The following DYNC2H1 variants were observed in gnomAD, a reference collection of about 807,000 sequenced individuals.
DYNC2H1 encodes the protein cytoplasmic dynein 2 heavy chain 1.
In DYNC2H1, 410 loss-of-function variants were observed where a neutral mutation model predicts 570.0. The ratio of observed to expected loss-of-function variants is 0.72; its 90% CI spans 0.66 to 0.78. The LOEUF (loss-of-function observed/expected upper bound fraction) is 0.78, where lower values mean the gene tolerates loss of function less well. Ranked by LOEUF, DYNC2H1 falls within the 30% of genes least tolerant of loss-of-function variation. The pLI, the probability that DYNC2H1 is intolerant of heterozygous loss-of-function variation, is 0.00. For synonymous variants in DYNC2H1, 1,688 were observed against 1,677.6 expected (o/e 1.01, Z -0.15); for missense variants, 4,865 against 5,046.4 (o/e 0.96, Z 1.09).
chr11:103,372,041 T>C (rs1187273510), intron 83 of DYNC2H1, among the ~76,000 whole-genome samples: 1 of 134,490 alleles, frequency 7.4e-6, no homozygotes, highest in African/African-American at 2.7e-5. Flanking sequence ...TCTTTTTTTT[T>C]TTTTTTTTTT....
At chr11:103,459,391 C>G (rs1041516867) in intron 87 of DYNC2H1, among the ~76,000 whole-genome samples, 2 of 148,762 alleles carry the variant, frequency 1.3e-5, no homozygotes, top group African/African-American at 4.9e-5. Context: ...CGTATTACTA[C>G]TATTTTCTAA....
chr11:103,207,217 G>A (rs1049191619), intron 52 of DYNC2H1, among the ~76,000 whole-genome samples: 2 of 129,260 alleles, frequency 1.5e-5, no homozygotes, highest in African/African-American at 6.1e-5. Flanking sequence ...TACCGTGCCT[G>A]GGCCTGTTTT....
chr11:103,444,125 G>A (rs1944354995), intron 85 of DYNC2H1, among the ~76,000 whole-genome samples: 1 of 149,094 alleles, frequency 6.7e-6, no homozygotes, highest in African/African-American at 2.4e-5. Flanking sequence ...TGACTAAAAT[G>A]TTTCCAGCTT....
At chr11:103,424,064 ACTT>A (rs1943584014) in intron 84 of DYNC2H1, among the ~76,000 whole-genome samples, 1 of 152,084 alleles carries the variant, frequency 6.6e-6, no homozygotes, top group African/African-American at 2.4e-5. Flanking sequence ...ATTAAAGACT[ACTT>A]AAGTAAATGG....
intron 12 of DYNC2H1, among the ~76,000 whole-genome samples, chr11:103,126,350 C>T (rs1859000360): frequency 6.6e-6 from 1 of 152,138 alleles, no homozygotes; most frequent in South Asian, 2.1e-4. Flanking sequence ...CTGCTTAGCA[C>T]TGCCAATCAA....
At chr11:103,139,191 G>T (rs1447054146) in intron 17 of DYNC2H1, among the ~76,000 whole-genome samples, 5 of 152,070 alleles carry the variant, frequency 3.3e-5, no homozygotes, top group Admixed American at 1.3e-4. Context: ...TTTTTTGAAT[G>T]GTTTTTTGTG....
At chr11:103,367,068 T>C (rs1489916483) in intron 83 of DYNC2H1, among the ~76,000 whole-genome samples, 5 of 152,140 alleles carry the variant, frequency 3.3e-5, no homozygotes, top group African/African-American at 1.2e-4. Flanking sequence ...AAGTTTTCAA[T>C]CAACTACTAA....
At chr11:103,312,128 C>A in intron 79 of DYNC2H1, 95 bp downstream of exon 79, 2 of 1,357,438 alleles carry the variant, frequency 1.5e-6, no homozygotes, top group South Asian at 1.5e-5. Flanking sequence ...TGCCTGTAAT[C>A]CCAGTACTGT....
At position 103,479,154 on chromosome 11, in the gene DYNC2H1, T is replaced by A; in HGVS notation, c.12825T>A (p.Ala4275=). The A allele has an allele frequency of 6.2e-7, 1 of 1,613,860 alleles. No individual in the cohort carries two copies. Among genetic ancestry groups the A allele is most frequent in the East Asian group, 2.2e-5 (1 of 44,860 alleles). The change falls in exon 89 of 89, where the codon GCT becomes GCA. Residue 4275 remains alanine, a synonymous_variant. Transcript: ENST00000375735. ...ECISLPVYTS[A]ERDRVVTNID... ...TCTCTTTGCCTGTTTACACAAGTGC[T>A]GAAAGGGATCGTGTGGTTACCAATA...
At chr11:103,234,724 T>G (rs559900830) in intron 61 of DYNC2H1, among the ~76,000 whole-genome samples, 106 of 152,026 alleles carry the variant, frequency 7.0e-4, no homozygotes, top group Admixed American at 1.8e-3. Flanking sequence ...TACACCTTCA[T>G]AATGACCAGA....
chr11:103,440,461 G>A (rs1401242008), intron 85 of DYNC2H1, among the ~76,000 whole-genome samples: 2 of 152,218 alleles, frequency 1.3e-5, no homozygotes, highest in South Asian at 2.1e-4. Flanking sequence ...TGGCTGGTAC[G>A]TTGCTCTACT....
At chr11:103,468,148 C>T (rs1353924845) in intron 87 of DYNC2H1, among the ~76,000 whole-genome samples, 4 of 152,164 alleles carry the variant, frequency 2.6e-5, no homozygotes. Flanking sequence ...ATATTCATAT[C>T]ACATGTCGTT....
chr11:103,321,029 G>A lies in DYNC2H1; in HGVS notation c.11726G>A (p.Gly3909Asp), dbSNP rs201479015. ...GYNIIDRLFD[G>D]AKDVQWEFVH... ...AATGAGTGTTTTTTTAAAATTATAGGTGCCAAAGATGTACAATGGGAATTT... is the reference window on the plus strand; with the variant it reads ...AATGAGTGTTTTTTTAAAATTATAGATGCCAAAGATGTACAATGGGAATTT... The change falls in exon 81 of 89, where the codon GGT becomes GAT. Residue 3909 changes from glycine (G) to aspartate (D), a missense_variant and splice_region_variant. By Grantham distance (94) the Gly-to-Asp change is moderately conservative. Transcript: ENST00000375735. 1.5e-4 allele frequency: 241 copies of A among 1,599,716 alleles called. No individual in the cohort carries two copies. Among genetic ancestry groups the A allele is most frequent in the Admixed American group, 4.5e-4 (26 of 58,206 alleles).
intron 62 of DYNC2H1, 81 bp downstream of exon 62, chr11:103,235,894 A>G: frequency 7.2e-6 from 11 of 1,537,060 alleles, no homozygotes; most frequent in South Asian, 1.2e-5. Flanking sequence ...CTAAAAATAG[A>G]CCCTTTATTC....
intron 71 of DYNC2H1, 172 bp from the exon 72 acceptor site, chr11:103,282,007 T>C: frequency 1.9e-6 from 1 of 522,196 alleles, no homozygotes; most frequent in African/African-American, 2.0e-5. Flanking sequence ...TATTTTATGT[T>C]GTCACATTAA....
At position 103,209,076 on chromosome 11, in the gene DYNC2H1, T is replaced by A. The variant is rs577561084; in HGVS notation, c.8455-800T>A. 1.3e-5 allele frequency among the ~76,000 whole-genome samples: 2 copies of A among 152,258 alleles called. No individual in the cohort carries two copies. Among genetic ancestry groups the A allele is most frequent in the African/African-American group, 2.4e-5 (1 of 41,562 alleles). ...CACAAGAATTATGGTACATTCGAAC[T>A]CTGCATTAATGAAGACATCTTTTGG... On this transcript the variant is annotated intron_variant, in intron 52 of 88. Transcript: ENST00000375735. This position sits in a 1 kb window ranked among gnomAD's most constrained non-coding sequence, Gnocchi z 4.2.
In DYNC2H1 at chr11:103,334,284, A is replaced by C. The variant is rs1424699541; in HGVS notation, c.12039+10294A>C. ...TGACTAGTAAAACATTGAGGATTCT[A>C]CTGGTAAAGAAAAAAAGCAAGCAAG... On this transcript the variant is annotated intron_variant, in intron 82 of 88. Transcript: ENST00000375735. This position sits in a 1 kb window ranked among gnomAD's most constrained non-coding sequence, Gnocchi z 4.3. 6.6e-6 allele frequency among the ~76,000 whole-genome samples: 1 copy of C among 152,178 alleles called. No homozygotes were observed. Among genetic ancestry groups the C allele is most frequent in the Non-Finnish European group, 1.5e-5 (1 of 68,006 alleles).
chr11:103,315,743 T>A (rs1349758644), intron 79 of DYNC2H1, among the ~76,000 whole-genome samples: 1 of 151,762 alleles, frequency 6.6e-6, no homozygotes, highest in African/African-American at 2.4e-5. Context: ...CAGTTGCATA[T>A]GTATTTGAGT....
At position 103,472,672 on chromosome 11, in the gene DYNC2H1, T is replaced by C. The variant is rs1290216852; in HGVS notation, c.12765+3967T>C. ...TGCACTGATTACATACCAAGCACTATGCAAGGTGTTTCAAATACAAGATAT... is the reference window on the plus strand; with the variant it reads ...TGCACTGATTACATACCAAGCACTACGCAAGGTGTTTCAAATACAAGATAT... On this transcript the variant is annotated intron_variant, in intron 88 of 88. Transcript: ENST00000375735. The surrounding 1 kb of genome is among the most constrained non-coding windows in gnomAD (Gnocchi z 4.1). Among the ~76,000 whole-genome samples the C allele has an allele frequency of 6.6e-6, 1 of 152,160 alleles. No homozygotes were observed. Among genetic ancestry groups the C allele is most frequent in the Non-Finnish European group, 1.5e-5 (1 of 68,024 alleles).
Sources: allele counts gnomAD v4.1 joint callset (sites outside exome capture counted in the v4.1 genomes callset), GRCh38; gene constraint gnomAD v4.1.1; non-coding constraint Gnocchi (gnomAD v3.1); transcripts MANE v1.5; gene names NCBI Gene and HGNC (gene_info 2026-07-23, HGNC 2026-07-21).